GABRB1: variants seen among roughly 807,000 people sequenced by gnomAD.
GABRB1 encodes gamma-aminobutyric acid type A receptor subunit beta1, also known as gamma-aminobutyric acid receptor subunit beta-1.
GABRB1 carries 17 observed loss-of-function variants against 51.6 expected under a neutral mutation model. That is an observed-to-expected ratio of 0.33 (90% CI 0.23 to 0.49). The LOEUF is 0.49. GABRB1 is among the 20% of genes least tolerant of loss of function. The pLI is 0.99. For synonymous variants in GABRB1, 247 were observed against 218.9 expected, an observed-to-expected ratio of 1.13 and a Z score of -1.14; for missense variants, 410 against 600.6, an observed-to-expected ratio of 0.68 and a Z score of 3.32.
chr4:47,414,237 G>A (rs1342999842), intron 8 of GABRB1, among the ~76,000 whole-genome samples: 1 of 152,308 alleles, frequency 6.6e-6, no homozygotes, highest in South Asian at 2.1e-4. Context: ...TTGAGGATGA[G>A]TGCCTATGAC....
At chr4:47,102,349 T>C (rs1034038882) in intron 3 of GABRB1, among the ~76,000 whole-genome samples, 1 of 152,146 alleles carries the variant, frequency 6.6e-6, no homozygotes, top group Admixed American at 6.6e-5. Flanking sequence ...GAGGCATGTA[T>C]CTGAGGATCT....
At chr4:47,309,491 C>A (rs533514380) in intron 4 of GABRB1, among the ~76,000 whole-genome samples, 1 of 152,016 alleles carries the variant, frequency 6.6e-6, no homozygotes, top group South Asian at 2.1e-4. Flanking sequence ...GGAAAGAAAG[C>A]AGAAATATGG....
intron 4 of GABRB1, among the ~76,000 whole-genome samples, chr4:47,172,894 G>A (rs1220049473): frequency 6.6e-6 from 1 of 151,730 alleles, no homozygotes; most frequent in Non-Finnish European, 1.5e-5. Flanking sequence ...CACCTGCCTC[G>A]GCCACCCAAA....
At chr4:47,141,090 T>TAA (rs200646815) in intron 3 of GABRB1, among the ~76,000 whole-genome samples, 1 of 151,028 alleles carries the variant, frequency 6.6e-6, no homozygotes. Context: ...ACAGTTTTTT[T>TAA]TAAAAAAAAA....
At chr4:47,221,715 C>A (rs975617237) in intron 4 of GABRB1, among the ~76,000 whole-genome samples, 1 of 152,022 alleles carries the variant, frequency 6.6e-6, no homozygotes, top group Admixed American at 6.6e-5. Context: ...TTGTGAGAAT[C>A]TGCAGGGTGA....
chr4:47,294,458 C>T (rs1251497281), intron 4 of GABRB1, among the ~76,000 whole-genome samples: 3 of 152,250 alleles, frequency 2.0e-5, no homozygotes, highest in Admixed American at 6.5e-5. Flanking sequence ...AGATTATAAC[C>T]CGCACGTGGC....
intron 4 of GABRB1, among the ~76,000 whole-genome samples, chr4:47,282,765 G>A (rs921175953): frequency 3.9e-5 from 6 of 152,096 alleles, no homozygotes; most frequent in Admixed American, 1.3e-4. Context: ...TATAAAATAA[G>A]CACATAAGAA....
chr4:47,204,666 T>C (rs1720045400), intron 4 of GABRB1, among the ~76,000 whole-genome samples: 1 of 152,090 alleles, frequency 6.6e-6, no homozygotes, highest in African/African-American at 2.4e-5. Flanking sequence ...AGTGAATGGG[T>C]ATCATGTGAT....
chr4:47,304,615 T>C (rs1724380386), intron 4 of GABRB1, among the ~76,000 whole-genome samples: 1 of 152,034 alleles, frequency 6.6e-6, no homozygotes, highest in Non-Finnish European at 1.5e-5. Flanking sequence ...CTAAACAAAT[T>C]GCTTTTGACA....
At chr4:47,114,513 T>G (rs73247643) in intron 3 of GABRB1, among the ~76,000 whole-genome samples, 8,739 of 152,298 alleles carry the variant, frequency 0.057, 364 homozygotes, top group Non-Finnish European at 0.082. Context: ...ATATTAGGTA[T>G]GTTGTCCAAT....
At chr4:47,389,012 T>A (rs771950291) in intron 5 of GABRB1, among the ~76,000 whole-genome samples, 1 of 152,176 alleles carries the variant, frequency 6.6e-6, no homozygotes, top group African/African-American at 2.4e-5. Flanking sequence ...CACTCACCCA[T>A]CCAAACCCAA....
intron 4 of GABRB1, among the ~76,000 whole-genome samples, chr4:47,246,123 T>G (rs1381140466): frequency 6.0e-5 from 9 of 149,862 alleles, no homozygotes; most frequent in Non-Finnish European, 3.0e-5. Flanking sequence ...TGCCTTTGCA[T>G]CCTCATAACT....
chr4:47,072,043 GA>G (rs60313691), intron 3 of GABRB1, among the ~76,000 whole-genome samples: 66,222 of 140,662 alleles, frequency 0.47, 14,956 homozygotes, highest in East Asian at 0.53. Context: ...TCAGTTAAGG[GA>G]AAAAAAAAAA....
At chr4:47,080,678 C>T (rs1727796455) in intron 3 of GABRB1, among the ~76,000 whole-genome samples, 2 of 152,278 alleles carry the variant, frequency 1.3e-5, no homozygotes, top group South Asian at 4.1e-4. Flanking sequence ...TACAAACCTG[C>T]TGAGTAGCTG....
intron 3 of GABRB1, among the ~76,000 whole-genome samples, chr4:47,135,248 T>C (rs1716592072): frequency 6.6e-6 from 1 of 152,074 alleles, no homozygotes; most frequent in Non-Finnish European, 1.5e-5. Flanking sequence ...AGGTGTTGAG[T>C]TTCATTTTAT....
intron 4 of GABRB1, among the ~76,000 whole-genome samples, chr4:47,283,990 C>T (rs1177844964): frequency 6.7e-6 from 1 of 149,872 alleles, no homozygotes; most frequent in Admixed American, 6.7e-5. Flanking sequence ...CCCAGCTACT[C>T]TGGAGGCTGA....
intron 5 of GABRB1, among the ~76,000 whole-genome samples, chr4:47,403,095 G>A (rs1349838433): frequency 2.6e-5 from 4 of 152,090 alleles, no homozygotes; most frequent in African/African-American, 2.4e-5. Flanking sequence ...ATCACTAAAC[G>A]ATCCAGAGCT....
chr4:47,090,751 A>G (rs1175525850), intron 3 of GABRB1, among the ~76,000 whole-genome samples: 2 of 152,170 alleles, frequency 1.3e-5, no homozygotes, highest in African/African-American at 4.8e-5. Context: ...GATGGACTAG[A>G]GAGTATGGAC....
intron 5 of GABRB1, among the ~76,000 whole-genome samples, chr4:47,388,927 A>G (rs1170983442): frequency 6.6e-6 from 1 of 152,254 alleles, no homozygotes; most frequent in Admixed American, 6.5e-5. Flanking sequence ...CAAGGATGTC[A>G]TGGTGGATAC....
Sources: allele counts gnomAD v4.1 joint callset (sites outside exome capture counted in the v4.1 genomes callset), GRCh38; gene constraint gnomAD v4.1.1; transcripts MANE v1.5; gene names NCBI Gene and HGNC (gene_info 2026-07-23, HGNC 2026-07-21).